The following BRMS1L variants were observed in gnomAD, a reference collection of about 807,000 sequenced individuals.
BRMS1L encodes breast cancer metastasis-suppressor 1-like protein.
In BRMS1L, 23 loss-of-function variants were observed where a neutral mutation model predicts 50.3. That is an observed-to-expected ratio of 0.46 (90% CI 0.33 to 0.65). BRMS1L has a LOEUF of 0.65. Among genes scored for constraint, BRMS1L ranks in the 30% least tolerant of loss-of-function variants. The probability of loss-of-function intolerance (pLI) is 0.02; values close to 1 mark genes in which losing one functional copy is unlikely to be tolerated. For missense variants in BRMS1L, 286 were observed against 386.1 expected (o/e 0.74, Z 2.17); for synonymous variants, 114 against 126.9 (o/e 0.90, Z 0.69).
chr14:35,839,422 C>T (rs2078034091), intron 4 of BRMS1L, among the ~76,000 whole-genome samples: 2 of 152,120 alleles, frequency 1.3e-5, no homozygotes, highest in Admixed American at 1.3e-4. Flanking sequence ...TCAATGGTAG[C>T]TTGATCAGAA....
intron 4 of BRMS1L, among the ~76,000 whole-genome samples, chr14:35,857,250 A>AATAT (rs1555315173): frequency 2.0e-5 from 3 of 147,086 alleles, no homozygotes; most frequent in African/African-American, 7.6e-5. Context: ...CAAAAAAAAA[A>AATAT]ATATATATAT....
chr14:35,834,980 G>GT, intron 4 of BRMS1L, 57 bp downstream of exon 4: 1 of 1,342,176 alleles, frequency 7.5e-7, no homozygotes, highest in Admixed American at 2.3e-5. Flanking sequence ...CCTTTTCTGA[G>GT]TGTAGTAGTT....
chr14:35,842,217 T>C (rs1373070791), intron 4 of BRMS1L, among the ~76,000 whole-genome samples: 1 of 152,164 alleles, frequency 6.6e-6, no homozygotes, highest in Non-Finnish European at 1.5e-5. Context: ...GATCCTGTCA[T>C]TATGATGCTG....
chr14:35,831,920 TA>T (rs36099782), intron 2 of BRMS1L, among the ~76,000 whole-genome samples: 17,641 of 145,266 alleles, frequency 0.12, 1,077 homozygotes, highest in South Asian at 0.15. Flanking sequence ...GACACTGTCT[TA>T]AAAAAAAAAA....
At chr14:35,855,943 A>T (rs193108350) in intron 4 of BRMS1L, among the ~76,000 whole-genome samples, 4 of 152,352 alleles carry the variant, frequency 2.6e-5, no homozygotes. Context: ...CAGCAGAACC[A>T]GGATTGAAAT....
chr14:35,867,575 T>G (rs1382501904), intron 8 of BRMS1L, among the ~76,000 whole-genome samples: 1 of 152,232 alleles, frequency 6.6e-6, no homozygotes, highest in Non-Finnish European at 1.5e-5. Context: ...TAATTTTCAA[T>G]TGAAATATGG....
chr14:35,852,734 A>G (rs1434738353), intron 4 of BRMS1L, among the ~76,000 whole-genome samples: 3 of 152,042 alleles, frequency 2.0e-5, no homozygotes, highest in East Asian at 1.9e-4. Context: ...GATCAAGACC[A>G]TCTTGGCTAA....
intron 1 of BRMS1L, among the ~76,000 whole-genome samples, chr14:35,830,367 C>A (rs945224444): frequency 6.6e-6 from 1 of 152,070 alleles, no homozygotes; most frequent in Admixed American, 6.6e-5. Flanking sequence ...CCATGCCTGG[C>A]CTTTCTTTCA....
chr14:35,856,514 A>G (rs1215647368), intron 4 of BRMS1L, among the ~76,000 whole-genome samples: 2 of 152,154 alleles, frequency 1.3e-5, no homozygotes, highest in Middle Eastern at 3.2e-3. Flanking sequence ...TTATGACATT[A>G]GTAAATGTCT....
chr14:35,856,416 A>G (rs1440260096), intron 4 of BRMS1L, among the ~76,000 whole-genome samples: 2 of 152,304 alleles, frequency 1.3e-5, no homozygotes, highest in South Asian at 2.1e-4. Flanking sequence ...TTCAGTGTTC[A>G]TGTTAGGATT....
intron 4 of BRMS1L, among the ~76,000 whole-genome samples, chr14:35,855,487 A>C (rs1267020296): frequency 1.3e-5 from 2 of 152,096 alleles, no homozygotes; most frequent in African/African-American, 4.8e-5. Context: ...TATCTAGTCC[A>C]CTGTATTGTA....
chr14:35,865,699 C>CT (rs78231905), intron 7 of BRMS1L, 23 bp from the exon 8 acceptor site: 98,260 of 1,358,278 alleles, frequency 0.072, 298 homozygotes, highest in African/African-American at 0.14. Flanking sequence ...CTTTCTTCCT[C>CT]TTTTTTTTTT....
At chr14:35,828,046 G>A (rs1387143722) in intron 1 of BRMS1L, among the ~76,000 whole-genome samples, 3 of 152,196 alleles carry the variant, frequency 2.0e-5, no homozygotes, top group Admixed American at 1.3e-4. Flanking sequence ...ATGAATGCAA[G>A]TTTAGGATTG....
At chr14:35,846,410 G>GA (rs938030295) in intron 4 of BRMS1L, among the ~76,000 whole-genome samples, 5 of 145,238 alleles carry the variant, frequency 3.4e-5, no homozygotes, top group Non-Finnish European at 6.1e-5. Flanking sequence ...AAAAAAAAAA[G>GA]AAAAAAAAAT....
chr14:35,837,954 A>G (rs912059345), intron 4 of BRMS1L, among the ~76,000 whole-genome samples: 2 of 152,168 alleles, frequency 1.3e-5, no homozygotes, highest in Non-Finnish European at 2.9e-5. Context: ...TACATGTGCC[A>G]TGGTGGTTTG....
chr14:35,847,867 T>G (rs2078157746), intron 4 of BRMS1L, among the ~76,000 whole-genome samples: 1 of 152,256 alleles, frequency 6.6e-6, no homozygotes, highest in Non-Finnish European at 1.5e-5. Context: ...AATATGCTGC[T>G]GATAATGATA....
Position 35,826,508 on chromosome 14 carries a change from G to C in BRMS1L, c.-9G>C. On this transcript the variant is annotated 5_prime_UTR_variant, in exon 1 of 10. Coordinates refer to ENST00000216807, the MANE Select transcript of BRMS1L (RefSeq NM_032352.4). ...CGCCGGTAGTGGAAAGCGACGGCGC[G>C]GCTGGAAAATGCCAGTCCATTCCCG... 3 of 1,576,418 alleles carry C rather than the reference G, an allele frequency of 1.9e-6. No homozygotes were observed. The highest frequency in any genetic ancestry group is 1.7e-6 in the Non-Finnish European group (2 of 1,161,476).
chr14:35,831,282 G>C (rs1028077152), intron 1 of BRMS1L, 128 bp from the exon 2 acceptor site: 2 of 637,258 alleles, frequency 3.1e-6, no homozygotes, highest in African/African-American at 1.8e-5. Flanking sequence ...TTCTTTTAAG[G>C]CTTAATATAG....
At chr14:35,866,328 A>G (rs1365712229) in intron 8 of BRMS1L, among the ~76,000 whole-genome samples, 1 of 152,200 alleles carries the variant, frequency 6.6e-6, no homozygotes, top group Non-Finnish European at 1.5e-5. Context: ...AGCTAGACTA[A>G]AAAGAAAAAC....
Sources: allele counts gnomAD v4.1 joint callset (sites outside exome capture counted in the v4.1 genomes callset), GRCh38; gene constraint gnomAD v4.1.1; transcripts MANE v1.5; gene names NCBI Gene and HGNC (gene_info 2026-07-23, HGNC 2026-07-21).